Variants in PCDHGB1 observed in about 807,000 individuals in gnomAD.
PCDHGB1 encodes protocadherin gamma subfamily B, 1, also known as protocadherin gamma-B1.
Under a neutral mutation model 56.6 loss-of-function variants are expected in PCDHGB1, and 34 were observed. The ratio of observed to expected loss-of-function variants is 0.60; its 90% CI spans 0.46 to 0.80. The LOEUF is 0.80. Among genes scored for constraint, PCDHGB1 ranks in the 30% least tolerant of loss-of-function variants. The pLI is 0.00. For missense variants in PCDHGB1, 1,278 were observed against 1,204.6 expected, an observed-to-expected ratio of 1.06 and a Z score of -0.90; for synonymous variants, 561 against 505.9, an observed-to-expected ratio of 1.11 and a Z score of -1.46.
At chr5:141,414,409 A>AG in intron 1 of PCDHGB1, 1 of 1,613,870 alleles carries the variant, frequency 6.2e-7, no homozygotes. Flanking sequence ...GGTGATACAC[A>AG]GAGCCCTTGA....
intron 1 of PCDHGB1, among the ~76,000 whole-genome samples, chr5:141,381,542 G>T (rs1245817082): frequency 2.0e-5 from 3 of 152,172 alleles, no homozygotes; most frequent in African/African-American, 7.2e-5. Context: ...CTAGGATGAA[G>T]ACTTGAATTG....
In PCDHGB1 at chr5:141,485,186, G is replaced by T; in HGVS notation, c.2410-9621G>T. ...GCGGGCGGCAGCAATGCTCCGCAAG[G>T]TGAGAAGCTGGACAGAAATCTGGCG... On this transcript the variant is annotated intron_variant, in intron 1 of 3. Coordinates refer to ENST00000523390, the MANE Select transcript of PCDHGB1 (RefSeq NM_018922.3). This position sits in a 1 kb window ranked among gnomAD's most constrained non-coding sequence, Gnocchi z 5.7. 1 of 1,613,706 alleles carries T rather than the reference G, an allele frequency of 6.2e-7. No individual in the cohort carries two copies. The highest frequency in any genetic ancestry group is 8.5e-7 in the Non-Finnish European group (1 of 1,179,644).
intron 1 of PCDHGB1, among the ~76,000 whole-genome samples, chr5:141,449,588 C>CAA (rs768743917): frequency 2.4e-4 from 14 of 57,430 alleles, no homozygotes; most frequent in Non-Finnish European, 3.7e-4. Flanking sequence ...GACTCTGTCT[C>CAA]AAAAAAAAAA....
At chr5:141,375,731 C>G in intron 1 of PCDHGB1, 2 of 1,614,256 alleles carry the variant, frequency 1.2e-6, no homozygotes, top group Non-Finnish European at 1.7e-6. Context: ...GTCACTGAGC[C>G]TGTTTGTGCT....
chr5:141,511,486 TC>T lies in PCDHGB1; in HGVS notation c.*315del. The T allele has an allele frequency of 2.2e-6, 1 of 449,906 alleles. No homozygotes were observed. 27.9% of individuals were successfully genotyped at this position (449,906 alleles called of 1,614,324 possible). A position where few individuals can be genotyped will look rare whatever the true frequency, so the allele number is the denominator to read the frequency against. On this transcript the variant is annotated 3_prime_UTR_variant, in exon 4 of 4. Transcript: ENST00000523390. ...CCCCGTTTAGTTACAGCTGAACTCC[TC>T]CATCTTCCAAATCAATCAGGCCCAT...
At chr5:141,449,021 C>T (rs897401758) in intron 1 of PCDHGB1, among the ~76,000 whole-genome samples, 3 of 152,104 alleles carry the variant, frequency 2.0e-5, no homozygotes, top group Non-Finnish European at 4.4e-5. Context: ...AGTTGCTTAG[C>T]ATTCCTTTGG....
intron 1 of PCDHGB1, chr5:141,361,539 C>A (rs754978831): frequency 5.0e-6 from 8 of 1,613,910 alleles, no homozygotes; most frequent in African/African-American, 1.3e-5. Flanking sequence ...ATCCTCCTGG[C>A]GCCTCTATCG....
chr5:141,415,461 T>G, intron 1 of PCDHGB1: 1 of 1,614,180 alleles, frequency 6.2e-7, no homozygotes, highest in African/African-American at 1.3e-5. Flanking sequence ...ACGAGGTCTC[T>G]CTCACCGCGG....
chr5:141,380,318 T>G (rs751911275), intron 1 of PCDHGB1, among the ~76,000 whole-genome samples: 1 of 151,992 alleles, frequency 6.6e-6, no homozygotes, highest in Non-Finnish European at 1.5e-5. Context: ...AGAATGAAAA[T>G]CTAAATGGAA....
In PCDHGB1 at chr5:141,356,585, C is replaced by G. The variant is rs11575950; in HGVS notation, c.2409+3916C>G. 2,136 of 1,614,174 alleles carry G rather than the reference C, an allele frequency of 1.3e-3. 34 individuals carry two copies. Among genetic ancestry groups the G allele is most frequent in the South Asian group, 0.013 (1,179 of 91,086 alleles). On this transcript the variant is annotated intron_variant, in intron 1 of 3. Coordinates refer to ENST00000523390, the MANE Select transcript of PCDHGB1 (RefSeq NM_018922.3). ...CATGCTTCCTACTCTGCTTACATTCCTGAAAACAACCCCAGAGGAGCCTCC... is the reference window on the plus strand; with the variant it reads ...CATGCTTCCTACTCTGCTTACATTCGTGAAAACAACCCCAGAGGAGCCTCC...
chr5:141,372,493 C>G lies in PCDHGB1; in HGVS notation c.2409+19824C>G, dbSNP rs998007585. On this transcript the variant is annotated intron_variant, in intron 1 of 3. Transcript: ENST00000523390. ...CTAGTAGTGGCGTTGGCCTTGATCT[C>G]AGTGCTCTTCCTCCTCGCGGTGATT... is the stretch of plus-strand genomic sequence containing the variant. 5 of 1,614,058 alleles carry G rather than the reference C, an allele frequency of 3.1e-6. No individual in the cohort carries two copies. In the African/African-American group the frequency reaches 4.0e-5, roughly 13 times the overall value.
intron 3 of PCDHGB1, among the ~76,000 whole-genome samples, chr5:141,510,092 T>C (rs973542449): frequency 6.6e-6 from 1 of 152,138 alleles, no homozygotes; most frequent in South Asian, 2.1e-4. Flanking sequence ...TGGCACACAG[T>C]AGGTGCTCAA....
intron 1 of PCDHGB1, chr5:141,362,779 T>G (rs1588580747): frequency 3.3e-6 from 2 of 601,870 alleles, no homozygotes; most frequent in East Asian, 5.9e-5. Flanking sequence ...TTGCACTGTA[T>G]TTCTTTTTCT....
chr5:141,393,098 C>G (rs1172367083), intron 1 of PCDHGB1: 1 of 1,613,610 alleles, frequency 6.2e-7, no homozygotes, highest in African/African-American at 1.3e-5. Flanking sequence ...GGGAGGAGCT[C>G]TGCGCTCAGA....
At chr5:141,370,549 A>C in intron 1 of PCDHGB1, 1 of 1,613,956 alleles carries the variant, frequency 6.2e-7, no homozygotes, top group Non-Finnish European at 8.5e-7. Flanking sequence ...AACCTCGCCA[A>C]GGACCTGGGG....
In PCDHGB1 at chr5:141,431,616, A is replaced by G. The variant is rs776151297; in HGVS notation, c.2410-63191A>G. 1 of 1,614,250 alleles carries G rather than the reference A, an allele frequency of 6.2e-7. No individual in the cohort carries two copies. Among genetic ancestry groups the G allele is most frequent in the Non-Finnish European group, 8.5e-7 (1 of 1,180,042 alleles). ...AGGTATTCCTTCCGGTATGTGGACG[A>G]CAAGGCGGCCCAAGTTTTCAAACTA... On this transcript the variant is annotated intron_variant, in intron 1 of 3. Transcript: ENST00000523390. This position sits in a 1 kb window ranked among gnomAD's most constrained non-coding sequence, Gnocchi z 4.8.
chr5:141,404,225 A>G, intron 1 of PCDHGB1: 6 of 1,613,828 alleles, frequency 3.7e-6, no homozygotes, highest in Non-Finnish European at 5.1e-6. Context: ...GGTGACTGCA[A>G]CAGACAGAGG....
At chr5:141,372,748 C>G (rs771861396) in intron 1 of PCDHGB1, 13 of 1,613,014 alleles carry the variant, frequency 8.1e-6, no homozygotes, top group East Asian at 2.2e-5. Flanking sequence ...TGTGATGAAG[C>G]CTCTTGGTTT....
At chr5:141,384,541 C>T in intron 1 of PCDHGB1, 2 of 1,614,264 alleles carry the variant, frequency 1.2e-6, no homozygotes, top group Non-Finnish European at 1.7e-6. Context: ...CAACATGTCA[C>T]TGAGCCTGTT....
Sources: allele counts gnomAD v4.1 joint callset (sites outside exome capture counted in the v4.1 genomes callset), GRCh38; gene constraint gnomAD v4.1.1; non-coding constraint Gnocchi (gnomAD v3.1); transcripts MANE v1.5; gene names NCBI Gene and HGNC (gene_info 2026-07-23, HGNC 2026-07-21).